Variants in PDE2A observed in about 807,000 individuals in gnomAD.
PDE2A encodes cGMP-dependent 3',5'-cyclic phosphodiesterase.
Under a neutral mutation model 133.6 loss-of-function variants are expected in PDE2A, and 53 were observed. The ratio of observed to expected loss-of-function variants is 0.40; its 90% CI spans 0.32 to 0.50. The LOEUF (loss-of-function observed/expected upper bound fraction) is 0.50. PDE2A is among the 20% of genes least tolerant of loss of function. The probability of loss-of-function intolerance (pLI) is 0.73; values close to 1 mark genes in which losing one functional copy is unlikely to be tolerated. For missense variants in PDE2A, 796 were observed against 1,232.4 expected (o/e 0.65, Z 5.30); for synonymous variants, 491 against 490.2 (o/e 1.00, Z -0.02).
intron 18 of PDE2A, 112 bp downstream of exon 18, chr11:72,584,439 C>CCGCAGGTTACGTACGTCCCAGGCATGGAA (rs1855867645): frequency 7.5e-7 from 1 of 1,341,528 alleles, no homozygotes; most frequent in Non-Finnish European, 1.0e-6. Flanking sequence ...GAACCCGACT[C>CCGCAGGTTACGTACGTCCCAGGCATGGAA]CCTTATGCTC....
In PDE2A at chr11:72,580,724, C is replaced by T. The variant is rs1591011594; in HGVS notation, c.2134-100G>A. ...TCCTGCCCTTCCACCTTTCTCCCCT[C>T]CTCCCTATCTCAGAGCCAGGGGCAA... On this transcript the variant is annotated intron_variant, in intron 24 of 30. Transcript: ENST00000334456. 3 of 1,101,562 alleles carry T rather than the reference C, an allele frequency of 2.7e-6. No individual in the cohort carries two copies. The East Asian group carries it at 7.6e-5, about 28-fold the overall frequency. The allele number at this position is 1,101,562 out of a possible 1,614,324, so 68.2% of individuals were successfully genotyped here.
chr11:72,582,405 C>A, intron 21 of PDE2A, 39 bp downstream of exon 21: 2 of 1,602,230 alleles, frequency 1.2e-6, no homozygotes, highest in Non-Finnish European at 1.7e-6. Flanking sequence ...TGGCTACATA[C>A]CTTCGGCCTG....
At chr11:72,601,374 C>A (rs1310325199) in intron 4 of PDE2A, among the ~76,000 whole-genome samples, 1 of 98,786 alleles carries the variant, frequency 1.0e-5, no homozygotes, top group Non-Finnish European at 2.2e-5. Context: ...AGGACCTGGA[C>A]CCTCTTCTTG....
chr11:72,657,399 C>T (rs1213679331), intron 1 of PDE2A, among the ~76,000 whole-genome samples: 1 of 152,184 alleles, frequency 6.6e-6, no homozygotes, highest in Non-Finnish European at 1.5e-5. Flanking sequence ...CAACTGTCCC[C>T]AAGGTCCCTC....
intron 2 of PDE2A, among the ~76,000 whole-genome samples, chr11:72,632,294 C>T (rs985099167): frequency 4.6e-5 from 7 of 152,170 alleles, no homozygotes; most frequent in Non-Finnish European, 8.8e-5. Flanking sequence ...GTGGCCGAAG[C>T]AGGGCGTCTG....
chr11:72,667,641 CAT>C (rs932714077), intron 1 of PDE2A, among the ~76,000 whole-genome samples: 21 of 152,148 alleles, frequency 1.4e-4, no homozygotes, highest in African/African-American at 5.1e-4. Flanking sequence ...CTTCTGGAGA[CAT>C]GTGATATTAC....
chr11:72,615,815 C>T (rs562675813), intron 2 of PDE2A, among the ~76,000 whole-genome samples: 1 of 152,294 alleles, frequency 6.6e-6, no homozygotes, highest in East Asian at 1.9e-4. Flanking sequence ...CACAAGGAGG[C>T]AGATTTGGGC....
intron 1 of PDE2A, among the ~76,000 whole-genome samples, chr11:72,645,783 G>A (rs942541935): frequency 2.6e-5 from 4 of 152,178 alleles, no homozygotes; most frequent in South Asian, 2.1e-4. Context: ...GGAGGCTTTC[G>A]CATTTATTGA....
chr11:72,581,055 T>A, intron 23 of PDE2A, 82 bp from the exon 24 acceptor site: 1 of 1,005,484 alleles, frequency 9.9e-7, no homozygotes, highest in South Asian at 1.3e-5. Context: ...AGACAGGAGA[T>A]GACATGCCCA....
At chr11:72,587,405 G>T (rs1856024782) in intron 13 of PDE2A, among the ~76,000 whole-genome samples, 1 of 152,226 alleles carries the variant, frequency 6.6e-6, no homozygotes, top group South Asian at 2.1e-4. Context: ...CCTGGCTCAT[G>T]CAGTCATTCA....
At chr11:72,603,974 C>CT (rs1416369488) in intron 4 of PDE2A, among the ~76,000 whole-genome samples, 1 of 152,246 alleles carries the variant, frequency 6.6e-6, no homozygotes, top group Non-Finnish European at 1.5e-5. Flanking sequence ...TCCATGGTCC[C>CT]TGTGAAAGGT....
chr11:72,665,563 C>T (rs185495497), intron 1 of PDE2A, among the ~76,000 whole-genome samples: 19 of 152,326 alleles, frequency 1.2e-4, no homozygotes, highest in African/African-American at 3.8e-4. Flanking sequence ...CTCCCCAGGC[C>T]CAAGAGAGCT....
intron 1 of PDE2A, among the ~76,000 whole-genome samples, chr11:72,652,045 G>A (rs1854755271): frequency 6.6e-6 from 1 of 152,220 alleles, no homozygotes; most frequent in Non-Finnish European, 1.5e-5. Context: ...TGGTGGCCTT[G>A]GTGGGCAGGC....
rs145742585 is a variant in PDE2A, at chr11:72,663,499, C to T, written c.71+10638G>A. Reference sequence around the variant, plus strand: ...ATCCCAGCACTTTGGGAGGTCAAGGCGGGCAGATCACCTGAGGGCAGGAGT... The same window carrying T: ...ATCCCAGCACTTTGGGAGGTCAAGGTGGGCAGATCACCTGAGGGCAGGAGT... On this transcript the variant is annotated intron_variant, in intron 1 of 30. Coordinates refer to ENST00000334456, the MANE Select transcript of PDE2A (RefSeq NM_002599.5). 3.3e-5 allele frequency among the ~76,000 whole-genome samples: 5 copies of T among 152,130 alleles called. No individual in the cohort carries two copies. In the East Asian group the frequency reaches 5.8e-4, roughly 18 times the overall value.
At chr11:72,586,961 T>C (rs978362431) in intron 13 of PDE2A, among the ~76,000 whole-genome samples, 9 of 152,176 alleles carry the variant, frequency 5.9e-5, no homozygotes, top group African/African-American at 1.7e-4. Context: ...CACACCTTTC[T>C]TACATTTGTG....
chr11:72,619,117 G>T (rs954834087), intron 2 of PDE2A, among the ~76,000 whole-genome samples: 1 of 152,098 alleles, frequency 6.6e-6, no homozygotes, highest in African/African-American at 2.4e-5. Flanking sequence ...ATATCTTGTG[G>T]GACTGTTGTG....
At chr11:72,649,403 C>T (rs564771506) in intron 1 of PDE2A, 2 of 152,392 alleles carry the variant, frequency 1.3e-5, no homozygotes, top group African/African-American at 4.8e-5. Context: ...CCCCATCAGA[C>T]TGGGGCTCCT....
chr11:72,585,036 G>T, intron 16 of PDE2A, 92 bp from the exon 17 acceptor site: 1 of 1,283,738 alleles, frequency 7.8e-7, no homozygotes, highest in Non-Finnish European at 1.1e-6. Context: ...GATTTCCGAG[G>T]CCTGGGAGGA....
In PDE2A at chr11:72,577,280, C is replaced by T; in HGVS notation, c.*104G>A. The T allele has an allele frequency of 1.2e-6, 1 of 800,216 alleles. No individual in the cohort carries two copies. The allele number at this position is 800,216 out of a possible 1,614,324, so 49.6% of individuals were successfully genotyped here. A position where few individuals can be genotyped will look rare whatever the true frequency, so the allele number is the denominator to read the frequency against. ...CTTGTCCAGGGTCACACAGGAAGTC[C>T]TGGTCTAGGACCCAGGACCCGTGGC... On this transcript the variant is annotated 3_prime_UTR_variant, in exon 31 of 31. Coordinates refer to ENST00000334456, the MANE Select transcript of PDE2A (RefSeq NM_002599.5).
Sources: allele counts gnomAD v4.1 joint callset (sites outside exome capture counted in the v4.1 genomes callset), GRCh38; gene constraint gnomAD v4.1.1; transcripts MANE v1.5; gene names NCBI Gene and HGNC (gene_info 2026-07-23, HGNC 2026-07-21).